The following EXT2 variants were observed in gnomAD, a reference collection of about 807,000 sequenced individuals.
EXT2 encodes exostosin-2.
Under a neutral mutation model 81.6 loss-of-function variants are expected in EXT2, and 53 were observed. The observed-to-expected ratio is 0.65, with a 90% CI of 0.52 to 0.82. EXT2 has a LOEUF of 0.82. EXT2 is among the 40% of genes least tolerant of loss of function. The pLI, the probability that EXT2 is intolerant of heterozygous loss-of-function variation, is 0.00. For missense variants in EXT2, 774 were observed against 910.2 expected (o/e 0.85, Z 1.93); for synonymous variants, 320 against 340.0 (o/e 0.94, Z 0.65).
intron 1 of EXT2, among the ~76,000 whole-genome samples, chr11:44,099,281 G>A (rs1953949084): frequency 6.6e-6 from 1 of 152,166 alleles, no homozygotes; most frequent in Non-Finnish European, 1.5e-5. Context: ...CGCCTCCCAG[G>A]TTCATGCCAT....
At chr11:44,124,144 C>T (rs999136324) in intron 4 of EXT2, among the ~76,000 whole-genome samples, 1 of 152,206 alleles carries the variant, frequency 6.6e-6, no homozygotes, top group Non-Finnish European at 1.5e-5. Flanking sequence ...AGATTCTATG[C>T]TTTGATGAAG....
intron 8 of EXT2, among the ~76,000 whole-genome samples, chr11:44,176,031 A>G (rs1462574039): frequency 1.3e-5 from 2 of 152,182 alleles, no homozygotes; most frequent in African/African-American, 2.4e-5. Flanking sequence ...TGAATTGCCT[A>G]TGGAATTATA....
At chr11:44,102,134 GCAGA>G (rs977558290) in intron 1 of EXT2, among the ~76,000 whole-genome samples, 10 of 152,224 alleles carry the variant, frequency 6.6e-5, no homozygotes, top group African/African-American at 2.2e-4. Context: ...GCACGTATAG[GCAGA>G]CATTCTCCCA....
At position 44,221,829 on chromosome 11, in the gene EXT2, C is replaced by G. The variant is rs559361838; in HGVS notation, c.1663-10524C>G. Among the ~76,000 whole-genome samples the G allele has an allele frequency of 1.4e-4, 22 of 152,292 alleles. No individual in the cohort carries two copies. In the South Asian group the frequency reaches 4.6e-3, roughly 32 times the overall value. Reference sequence around the variant, plus strand: ...ACCCATTCATTGCAAAATTGTACAACTGCCTGCAAAATCGTGAGTTTCAGG... The same window carrying G: ...ACCCATTCATTGCAAAATTGTACAAGTGCCTGCAAAATCGTGAGTTTCAGG... On this transcript the variant is annotated intron_variant, in intron 10 of 13. Transcript: ENST00000533608.
chr11:44,150,328 G>A (rs1396522065), intron 7 of EXT2, among the ~76,000 whole-genome samples: 3 of 152,166 alleles, frequency 2.0e-5, no homozygotes, highest in South Asian at 4.1e-4. Context: ...CACTACATAT[G>A]TGCCAACTGG....
intron 5 of EXT2, 124 bp downstream of exon 5, chr11:44,125,108 A>G (rs1954381592): frequency 1.1e-6 from 1 of 892,562 alleles, no homozygotes; most frequent in South Asian, 1.4e-5. Flanking sequence ...GGAAGAAAAC[A>G]TAGCATTGCT....
chr11:44,133,422 G>C (rs763641805), intron 7 of EXT2, among the ~76,000 whole-genome samples: 1 of 152,160 alleles, frequency 6.6e-6, no homozygotes, highest in Non-Finnish European at 1.5e-5. Flanking sequence ...TTGATACCTT[G>C]GAGCCCCTAG....
chr11:44,218,793 CTTTTTTTT>C (rs11368525), intron 10 of EXT2, among the ~76,000 whole-genome samples: 5 of 92,300 alleles, frequency 5.4e-5, no homozygotes, highest in Admixed American at 3.2e-4. Flanking sequence ...ATCTGCAATT[CTTTTTTTT>C]TTTTTTTTTT....
rs1352675941 is a variant in EXT2, at chr11:44,247,803, C to T, written c.*3516C>T. Among the ~76,000 whole-genome samples, 2 of 152,228 alleles carry T rather than the reference C, an allele frequency of 1.3e-5. No homozygotes were observed. The highest frequency in any genetic ancestry group is 2.9e-5 in the Non-Finnish European group (2 of 68,036). ...ATAACCCTGTGATCCTAGCTTCCTT[C>T]TAGGATGATAGCCTCTGACAGGCAC... On this transcript the variant is annotated 3_prime_UTR_variant, in exon 14 of 14. Transcript: ENST00000533608.
intron 6 of EXT2, among the ~76,000 whole-genome samples, chr11:44,127,722 C>G (rs1233334475): frequency 6.6e-6 from 1 of 152,154 alleles, no homozygotes; most frequent in Non-Finnish European, 1.5e-5. Flanking sequence ...AATGCCTTGC[C>G]TAATTCTTGG....
chr11:44,193,930 C>T (rs1053059436), intron 8 of EXT2, among the ~76,000 whole-genome samples: 1 of 152,162 alleles, frequency 6.6e-6, no homozygotes, highest in Non-Finnish European at 1.5e-5. Context: ...CCTCCCCTAC[C>T]GATTCACTTC....
At chr11:44,119,310 T>C (rs1954283501) in intron 4 of EXT2, among the ~76,000 whole-genome samples, 1 of 151,690 alleles carries the variant, frequency 6.6e-6, no homozygotes, top group Non-Finnish European at 1.5e-5. Context: ...CTAACGTCTG[T>C]GACTTATTAC....
intron 4 of EXT2, among the ~76,000 whole-genome samples, chr11:44,118,642 A>C (rs947649525): frequency 1.3e-5 from 2 of 152,228 alleles, no homozygotes; most frequent in African/African-American, 4.8e-5. Flanking sequence ...TTATCATCAC[A>C]ATGGAAATAC....
At chr11:44,179,738 A>G (rs572437351) in intron 8 of EXT2, among the ~76,000 whole-genome samples, 20 of 152,276 alleles carry the variant, frequency 1.3e-4, no homozygotes, top group African/African-American at 4.3e-4. Context: ...TGTCCTTTTT[A>G]TGTGTCTCCC....
chr11:44,211,386 TAAACAGATGAGTGGATA>T (rs1955646510), intron 10 of EXT2, among the ~76,000 whole-genome samples: 1 of 152,170 alleles, frequency 6.6e-6, no homozygotes, highest in South Asian at 2.1e-4. Context: ...TAAGTATCCA[TAAACAGATGAGTGGATA>T]AAGAAAATGT....
At chr11:44,186,006 G>T (rs1251435052) in intron 8 of EXT2, among the ~76,000 whole-genome samples, 1 of 152,142 alleles carries the variant, frequency 6.6e-6, no homozygotes, top group Non-Finnish European at 1.5e-5. Flanking sequence ...TTTGTCTTTG[G>T]TTTATAGATT....
At chr11:44,168,023 C>CG (rs1349388488) in intron 7 of EXT2, among the ~76,000 whole-genome samples, 2 of 148,926 alleles carry the variant, frequency 1.3e-5, no homozygotes, top group Non-Finnish European at 3.0e-5. Context: ...TTCCTTAGTC[C>CG]AAGTGTTCTC....
chr11:44,200,910 C>A (rs1188765460), intron 9 of EXT2, among the ~76,000 whole-genome samples: 1 of 152,068 alleles, frequency 6.6e-6, no homozygotes, highest in Non-Finnish European at 1.5e-5. Context: ...ATGGAGAAAA[C>A]CGTTAATCAA....
At chr11:44,149,548 TAAAACCTTGTCTA>T (rs1954765446) in intron 7 of EXT2, among the ~76,000 whole-genome samples, 3 of 152,182 alleles carry the variant, frequency 2.0e-5, no homozygotes, top group Non-Finnish European at 4.4e-5. Flanking sequence ...ACCTTGAAAA[TAAAACCTTGTCTA>T]AAAACTCTTG....
Sources: allele counts gnomAD v4.1 joint callset (sites outside exome capture counted in the v4.1 genomes callset), GRCh38; gene constraint gnomAD v4.1.1; transcripts MANE v1.5; gene names NCBI Gene and HGNC (gene_info 2026-07-23, HGNC 2026-07-21).